The following ARHGAP42 variants were observed in gnomAD, a reference collection of about 807,000 sequenced individuals.
The protein encoded by ARHGAP42 is rho GTPase-activating protein 42.
ARHGAP42 carries 63 observed loss-of-function variants against 125.0 expected under a neutral mutation model. The observed-to-expected ratio is 0.50, with a 90% CI of 0.41 to 0.62. The LOEUF is 0.62. ARHGAP42 is among the 20% of genes least tolerant of loss of function. The pLI, the probability that ARHGAP42 is intolerant of heterozygous loss-of-function variation, is 0.00. For synonymous variants in ARHGAP42, 339 were observed against 351.0 expected, an observed-to-expected ratio of 0.97 and a Z score of 0.38; for missense variants, 766 against 1,024.2, an observed-to-expected ratio of 0.75 and a Z score of 3.44.
chr11:100,926,456 C>T (rs1275444701), intron 6 of ARHGAP42, among the ~76,000 whole-genome samples: 6 of 152,082 alleles, frequency 3.9e-5, no homozygotes, highest in African/African-American at 1.2e-4. Flanking sequence ...ATAAAATGGA[C>T]GATTAGAAAA....
At chr11:100,807,225 T>C (rs1284550069) in intron 3 of ARHGAP42, among the ~76,000 whole-genome samples, 1 of 151,502 alleles carries the variant, frequency 6.6e-6, no homozygotes, top group Non-Finnish European at 1.5e-5. Context: ...GACAGACTTT[T>C]GCTCTTGTTG....
At chr11:100,966,704 A>C (rs1469405263) in intron 17 of ARHGAP42, among the ~76,000 whole-genome samples, 1 of 152,180 alleles carries the variant, frequency 6.6e-6, no homozygotes, top group African/African-American at 2.4e-5. Flanking sequence ...TGTAAAATTA[A>C]TCATTATAAA....
chr11:100,744,704 A>G (rs1314901212), intron 1 of ARHGAP42, among the ~76,000 whole-genome samples: 1 of 151,994 alleles, frequency 6.6e-6, no homozygotes, highest in Admixed American at 6.6e-5. Context: ...TTGGTTATAG[A>G]GAGTCTTTGT....
At chr11:100,903,485 T>A (rs1457729279) in intron 4 of ARHGAP42, among the ~76,000 whole-genome samples, 1 of 151,410 alleles carries the variant, frequency 6.6e-6, no homozygotes, top group Admixed American at 6.6e-5. Context: ...TCACCCAGGG[T>A]GATTTTCCAA....
chr11:100,893,265 T>G (rs1268042615), intron 4 of ARHGAP42, among the ~76,000 whole-genome samples: 1 of 152,022 alleles, frequency 6.6e-6, no homozygotes, highest in Non-Finnish European at 1.5e-5. Flanking sequence ...GTAAGTTAAT[T>G]TCATTAAATG....
At chr11:100,815,079 A>C (rs1321042451) in intron 3 of ARHGAP42, among the ~76,000 whole-genome samples, 2 of 152,188 alleles carry the variant, frequency 1.3e-5, no homozygotes, top group Admixed American at 1.3e-4. Flanking sequence ...GGAACTTACT[A>C]TCTGTGACCA....
chr11:100,835,311 T>G (rs1864759089), intron 3 of ARHGAP42, among the ~76,000 whole-genome samples: 1 of 152,198 alleles, frequency 6.6e-6, no homozygotes, highest in Admixed American at 6.6e-5. Flanking sequence ...GTATATACAT[T>G]ATCTTTACAG....
At chr11:100,820,327 T>C (rs1176044119) in intron 3 of ARHGAP42, among the ~76,000 whole-genome samples, 3 of 152,120 alleles carry the variant, frequency 2.0e-5, no homozygotes, top group Non-Finnish European at 4.4e-5. Context: ...TTAGGGTTTT[T>C]GGAGGCTACC....
chr11:100,822,483 A>G (rs1265289506), intron 3 of ARHGAP42, among the ~76,000 whole-genome samples: 1 of 152,096 alleles, frequency 6.6e-6, no homozygotes, highest in Non-Finnish European at 1.5e-5. Flanking sequence ...CTACAACTCT[A>G]TTGCTTTTCT....
At chr11:100,864,124 T>C (rs1865512036) in intron 4 of ARHGAP42, among the ~76,000 whole-genome samples, 1 of 152,132 alleles carries the variant, frequency 6.6e-6, no homozygotes, top group Non-Finnish European at 1.5e-5. Flanking sequence ...CTCTGCACTT[T>C]ATATGCCTGT....
intron 3 of ARHGAP42, among the ~76,000 whole-genome samples, chr11:100,837,022 TA>T (rs1864804836): frequency 6.6e-6 from 1 of 152,138 alleles, no homozygotes; most frequent in East Asian, 1.9e-4. Context: ...AAATTTCTCA[TA>T]TTTTCATTAG....
At chr11:100,874,957 G>T (rs908450127) in intron 4 of ARHGAP42, among the ~76,000 whole-genome samples, 1 of 151,956 alleles carries the variant, frequency 6.6e-6, no homozygotes, top group Non-Finnish European at 1.5e-5. Context: ...TTTACCTCAG[G>T]ATGAGTTTTC....
At chr11:100,900,708 G>A (rs1045138705) in intron 4 of ARHGAP42, among the ~76,000 whole-genome samples, 3 of 152,054 alleles carry the variant, frequency 2.0e-5, no homozygotes, top group Non-Finnish European at 4.4e-5. Flanking sequence ...ATCGGCTGTT[G>A]AAACTTGTGT....
rs183417158 is a variant in ARHGAP42, at chr11:100,929,890, C to T, written c.598-3266C>T. Among the ~76,000 whole-genome samples, 702 of 152,202 alleles carry T rather than the reference C, an allele frequency of 4.6e-3. 4 individuals are homozygous for T. The highest frequency in any genetic ancestry group is 7.9e-3 in the Non-Finnish European group (537 of 68,006). On this transcript the variant is annotated intron_variant, in intron 6 of 23. Transcript: ENST00000298815. ...TTTTCATGACAGTGTACATGAAGCA[C>T]GAGTTTTTAATTTTGAATATTTGTT...
Position 100,993,636 on chromosome 11 carries a change from G to A in ARHGAP42, c.*4835G>A, listed in dbSNP as rs488365. On this transcript the variant is annotated 3_prime_UTR_variant, in exon 24 of 24. Transcript: ENST00000298815. ...ATATACTGTTAAAATTTGAGGTACT[G>A]TAGTTTATATAAAAGTCGGATGTTA... is the stretch of plus-strand genomic sequence containing the variant. 119,369 of 166,928 alleles carry A rather than the reference G, an allele frequency of 0.72. 43,045 individuals carry two copies. Among genetic ancestry groups the A allele is most frequent in the East Asian group, 0.81 (4,209 of 5,186 alleles). The allele number at this position is 166,928 out of a possible 1,614,324, so 10.3% of individuals were successfully genotyped here.
rs141572476 is a variant in ARHGAP42, at chr11:100,789,314, T to G, written c.251-5791T>G. On this transcript the variant is annotated intron_variant, in intron 2 of 23. Coordinates refer to ENST00000298815, the MANE Select transcript of ARHGAP42 (RefSeq NM_152432.4). ...AGAGATATAACAACATCTAAATTCT[T>G]ACTGCTGACGCAGTTCTCCATTGTA... Among the ~76,000 whole-genome samples the G allele has an allele frequency of 2.4e-3, 371 of 152,366 alleles. 3 individuals are homozygous for G. The highest frequency in any genetic ancestry group is 5.1e-4 in the Non-Finnish European group (35 of 68,038).
At chr11:100,737,636 C>A (rs759170371) in intron 1 of ARHGAP42, among the ~76,000 whole-genome samples, 90 of 152,166 alleles carry the variant, frequency 5.9e-4, no homozygotes, top group Non-Finnish European at 1.1e-3. Flanking sequence ...TCATCTTGGC[C>A]TTGCTCACCA....
At chr11:100,837,676 T>A (rs1565235516) in intron 3 of ARHGAP42, among the ~76,000 whole-genome samples, 2 of 137,916 alleles carry the variant, frequency 1.5e-5, no homozygotes, top group African/African-American at 5.4e-5. Flanking sequence ...CTTTTTTTTT[T>A]TTTTTTTTTT....
chr11:100,952,461 C>T (rs1857683459), intron 12 of ARHGAP42, among the ~76,000 whole-genome samples: 1 of 152,118 alleles, frequency 6.6e-6, no homozygotes, highest in East Asian at 1.9e-4. Context: ...AATAAATACA[C>T]TCAATTGCAT....
Sources: allele counts gnomAD v4.1 joint callset (sites outside exome capture counted in the v4.1 genomes callset), GRCh38; gene constraint gnomAD v4.1.1; transcripts MANE v1.5; gene names NCBI Gene and HGNC (gene_info 2026-07-23, HGNC 2026-07-21).